ZNF331: variants seen among roughly 807,000 people sequenced by gnomAD.
The protein encoded by ZNF331 is zinc finger protein 331.
Under a neutral mutation model 7.0 loss-of-function variants are expected in ZNF331, and 2 were observed. That is an observed-to-expected ratio of 0.29 (90% CI 0.12 to 0.90). The LOEUF (loss-of-function observed/expected upper bound fraction) is 0.90, where lower values mean the gene tolerates loss of function less well. Among genes scored for constraint, ZNF331 ranks in the 40% least tolerant of loss-of-function variants. ZNF331 has a pLI of 0.58. For missense variants in ZNF331, 432 were observed against 587.7 expected, an observed-to-expected ratio of 0.74 and a Z score of 2.74; for synonymous variants, 196 against 205.4, an observed-to-expected ratio of 0.95 and a Z score of 0.39.
At chr19:53,520,045 A>C (rs561969266), upstream of ZNF331, among the ~76,000 whole-genome samples, 1 of 151,754 alleles carries the variant, frequency 6.6e-6, no homozygotes, top group East Asian at 1.9e-4. Flanking sequence ...CGGGCTTATT[A>C]TTATTATTAT....
intron 3 of ZNF331, among the ~76,000 whole-genome samples, chr19:53,559,663 A>G (rs1293065847): frequency 6.6e-6 from 1 of 151,364 alleles, no homozygotes; most frequent in African/African-American, 2.4e-5. Flanking sequence ...CTACATATAT[A>G]CACACATATA....
chr19:53,532,434 G>A (rs2087578015), intron 2 of ZNF331, among the ~76,000 whole-genome samples: 2 of 152,108 alleles, frequency 1.3e-5, no homozygotes, highest in Admixed American at 6.6e-5. Flanking sequence ...TTTTTAAGGC[G>A]AATAGTATTT....
In ZNF331 at chr19:53,577,032, C is replaced by T; in HGVS notation, c.472C>T (p.Pro158Ser). ...TCAGAAAATCCATACTGGTGAGAAA[C>T]CTTATGAATGTAAAGAATGTAAGAA... ...QHQKIHTGEK[P>S]YECKECKKAF... is the part of the protein sequence containing the mutation. Residue 158 changes from proline (P) to serine (S), a missense_variant, in exon 6 of 6, where the codon CCT becomes TCT. Physicochemically the swap from Pro to Ser is moderately conservative, Grantham distance 74. Coordinates refer to ENST00000449416, the MANE Select transcript of ZNF331 (RefSeq NM_001079906.2). 6.2e-7 allele frequency: 1 copy of T among 1,613,498 alleles called. No individual in the cohort carries two copies. Among genetic ancestry groups the T allele is most frequent in the South Asian group, 1.1e-5 (1 of 91,062 alleles).
chr19:53,577,708 A>G lies in ZNF331; in HGVS notation c.1148A>G (p.Tyr383Cys). Residue 383 changes from tyrosine (Y) to cysteine (C), a missense_variant, in exon 6 of 6, where the codon TAT becomes TGT. Physicochemically the swap from Tyr to Cys is radical, Grantham distance 194. This residue lies in a region of ZNF331 where 312 missense variants were observed against 448.6 expected (regional missense o/e 0.70). Coordinates refer to ENST00000449416, the MANE Select transcript of ZNF331 (RefSeq NM_001079906.2). ...AGAATCCACACAGGCGAAACCCCGT[A>G]TAAATGTAAGGAGTGTGGGAAGGCT... ...HERIHTGETP[Y>C]KCKECGKAFI... 6.2e-7 allele frequency: 1 copy of G among 1,614,030 alleles called. No individual in the cohort carries two copies. Among genetic ancestry groups the G allele is most frequent in the East Asian group, 2.2e-5 (1 of 44,882 alleles).
upstream of ZNF331, among the ~76,000 whole-genome samples, chr19:53,517,251 A>G (rs1204249438): frequency 6.6e-6 from 1 of 152,250 alleles, no homozygotes; most frequent in African/African-American, 2.4e-5. Context: ...CACCCTTGAC[A>G]TAAGTAACTC....
intron 2 of ZNF331, among the ~76,000 whole-genome samples, chr19:53,546,038 T>C (rs2088573535): frequency 6.6e-6 from 1 of 151,098 alleles, no homozygotes. Flanking sequence ...AGGCGTGCCC[T>C]GGAGGGTATT....
At chr19:53,556,175 G>A (rs956564806) in intron 3 of ZNF331, among the ~76,000 whole-genome samples, 3 of 150,194 alleles carry the variant, frequency 2.0e-5, no homozygotes, top group Non-Finnish European at 4.4e-5. Flanking sequence ...CCCGGGAGGC[G>A]GAGCTTGCAG....
chr19:53,550,245 C>T (rs1314995705), intron 2 of ZNF331, among the ~76,000 whole-genome samples: 4 of 152,160 alleles, frequency 2.6e-5, no homozygotes, highest in Non-Finnish European at 4.4e-5. Flanking sequence ...CTGTTAGGTC[C>T]ATTTGGTCTA....
intron 3 of ZNF331, among the ~76,000 whole-genome samples, chr19:53,559,541 A>G (rs1004293568): frequency 2.6e-5 from 4 of 151,096 alleles, no homozygotes; most frequent in Non-Finnish European, 3.0e-5. Flanking sequence ...CACACGCCAT[A>G]TATACACACA....
chr19:53,567,673 G>A (rs768172070), intron 3 of ZNF331, among the ~76,000 whole-genome samples: 1 of 150,562 alleles, frequency 6.6e-6, no homozygotes, highest in Admixed American at 6.6e-5. Flanking sequence ...ATAGTGAGAC[G>A]CAATCTCTAC....
chr19:53,572,084 C>T lies in ZNF331; in HGVS notation c.136+354C>T, dbSNP rs898277742. 5.3e-5 allele frequency among the ~76,000 whole-genome samples: 8 copies of T among 152,128 alleles called. No individual in the cohort carries two copies. In the East Asian group the frequency reaches 7.7e-4, roughly 15 times the overall value. ...TGGTCGGTGTTACTCTAGGGACCCA[C>T]GTCTAGGGAAAACATGTGGACACAG... is the stretch of plus-strand genomic sequence containing the variant. On this transcript the variant is annotated intron_variant, in intron 5 of 5. Transcript: ENST00000449416.
chr19:53,558,421 T>A lies in ZNF331; in HGVS notation c.-74+2513T>A, dbSNP rs887749848. ...ACCTCCTGTTCAGCTGTCCAGAAGC[T>A]CTCCTCACCCTGTCTTCTTAGGCCT... is the stretch of plus-strand genomic sequence containing the variant. On this transcript the variant is annotated intron_variant, in intron 3 of 5. Coordinates refer to ENST00000449416, the MANE Select transcript of ZNF331 (RefSeq NM_001079906.2). The surrounding 1 kb of genome is among the most constrained non-coding windows in gnomAD (Gnocchi z 4.5). 6.6e-6 allele frequency among the ~76,000 whole-genome samples: 1 copy of A among 152,076 alleles called. No homozygotes were observed. Among genetic ancestry groups the A allele is most frequent in the Non-Finnish European group, 1.5e-5 (1 of 68,018 alleles).
At chr19:53,526,678 G>A (rs2087308794) in intron 2 of ZNF331, among the ~76,000 whole-genome samples, 1 of 151,368 alleles carries the variant, frequency 6.6e-6, no homozygotes, top group South Asian at 2.1e-4. Flanking sequence ...TCAGCTTCCC[G>A]AGTAGCTGGG....
Position 53,569,306 on chromosome 19 carries a change from C to G in ZNF331, c.-71C>G. 1 of 1,580,214 alleles carries G rather than the reference C, an allele frequency of 6.3e-7. No homozygotes were observed. Among genetic ancestry groups the G allele is most frequent in the Non-Finnish European group, 8.7e-7 (1 of 1,150,838 alleles). On this transcript the variant is annotated splice_region_variant and 5_prime_UTR_variant, in exon 4 of 6. Transcript: ENST00000449416. ...AATCTCTTTTTTTCCACCCCTAGCT[C>G]TAGCCTCTCGGAATTTGTCTTCTTC...
At chr19:53,509,242 TCTC>T in the ZNF331 span, among the ~76,000 whole-genome samples, 5 of 152,150 alleles carry the variant, frequency 3.3e-5, no homozygotes, top group Admixed American at 2.0e-4. Context: ...GTGAGCTGCG[TCTC>T]CTCCTCCTGT....
chr19:53,561,151 T>C (rs568091183), intron 3 of ZNF331, among the ~76,000 whole-genome samples: 1 of 152,178 alleles, frequency 6.6e-6, no homozygotes, highest in East Asian at 1.9e-4. Flanking sequence ...TGAGACCCTG[T>C]CGCAAAATAT....
At chr19:53,513,908 C>A in the ZNF331 span, among the ~76,000 whole-genome samples, 2 of 152,220 alleles carry the variant, frequency 1.3e-5, no homozygotes, top group Non-Finnish European at 2.9e-5. Context: ...CCACGCCCAG[C>A]CCCTTTGCTC....
chr19:53,543,466 G>A (rs1025720476), intron 2 of ZNF331, among the ~76,000 whole-genome samples: 1 of 151,608 alleles, frequency 6.6e-6, no homozygotes. Flanking sequence ...GTTTCACCAC[G>A]TTGGCCAGGC....
At chr19:53,553,307 A>G (rs1568496048) in intron 2 of ZNF331, among the ~76,000 whole-genome samples, 1 of 152,078 alleles carries the variant, frequency 6.6e-6, no homozygotes. Context: ...AAAAAAAAAA[A>G]AAATTAGTGT....
Sources: gnomAD v4.1 joint callset for allele counts (sites outside exome capture counted in the v4.1 genomes callset) on GRCh38, gnomAD v4.1.1 for gene constraint, gnomAD v4.1.1 regional missense constraint, Gnocchi (gnomAD v3.1) non-coding constraint, MANE v1.5 for transcripts, NCBI Gene and HGNC (gene_info 2026-07-23, HGNC 2026-07-21) for gene names.